CCSER1: variants seen among roughly 807,000 people sequenced by gnomAD.
CCSER1 encodes serine-rich coiled-coil domain-containing protein 1.
In CCSER1, 41 loss-of-function variants were observed where a neutral mutation model predicts 82.0. That is an observed-to-expected ratio of 0.50 (90% CI 0.39 to 0.65). The LOEUF (loss-of-function observed/expected upper bound fraction) is 0.65. Ranked by LOEUF, CCSER1 falls within the 30% of genes least tolerant of loss-of-function variation. The pLI is 0.00. For missense variants in CCSER1, 1,119 were observed against 1,064.2 expected (o/e 1.05, Z -0.72); for synonymous variants, 414 against 383.9 (o/e 1.08, Z -0.92).
At chr4:90,162,336 A>AT (rs1729609236) in intron 1 of CCSER1, among the ~76,000 whole-genome samples, 2 of 152,160 alleles carry the variant, frequency 1.3e-5, no homozygotes, top group South Asian at 2.1e-4. Context: ...TTTTATCAAT[A>AT]TTTAATAATT....
intron 10 of CCSER1, among the ~76,000 whole-genome samples, chr4:91,548,068 C>A: frequency 6.6e-6 from 1 of 152,146 alleles, no homozygotes; most frequent in Non-Finnish European, 1.5e-5. Flanking sequence ...AGATTACAGG[C>A]GTGAGCCACT....
intron 9 of CCSER1, among the ~76,000 whole-genome samples, chr4:90,928,587 A>G (rs1447304146): frequency 1.3e-5 from 2 of 152,124 alleles, no homozygotes; most frequent in Non-Finnish European, 2.9e-5. Flanking sequence ...GTGAAAAATA[A>G]AAATAGCACA....
chr4:90,310,124 T>G (rs1488538525), intron 2 of CCSER1, among the ~76,000 whole-genome samples: 1 of 152,104 alleles, frequency 6.6e-6, no homozygotes, highest in African/African-American at 2.4e-5. Flanking sequence ...ACATAAATAA[T>G]TCCTATCTCT....
chr4:91,305,671 G>T (rs1745005309), intron 10 of CCSER1, among the ~76,000 whole-genome samples: 1 of 151,974 alleles, frequency 6.6e-6, no homozygotes, highest in Non-Finnish European at 1.5e-5. Context: ...GTGTGTGTGT[G>T]TGTGTGCATG....
At chr4:91,161,402 A>C (rs1486813930) in intron 10 of CCSER1, among the ~76,000 whole-genome samples, 1 of 152,112 alleles carries the variant, frequency 6.6e-6, no homozygotes, top group Non-Finnish European at 1.5e-5. Context: ...TTTTGGTTCC[A>C]TATGAACTTT....
chr4:91,205,833 CAATA>C (rs1736299391), intron 10 of CCSER1, among the ~76,000 whole-genome samples: 3 of 151,752 alleles, frequency 2.0e-5, no homozygotes, highest in Admixed American at 2.0e-4. Context: ...ATTCAATATT[CAATA>C]AATAACAAAT....
chr4:90,828,077 T>G (rs1165440601), intron 8 of CCSER1, among the ~76,000 whole-genome samples: 1 of 152,134 alleles, frequency 6.6e-6, no homozygotes, highest in African/African-American at 2.4e-5. Context: ...TAATCTTCCC[T>G]GGTTGATGCA....
chr4:90,737,461 T>C (rs1745849137), intron 7 of CCSER1, among the ~76,000 whole-genome samples: 1 of 152,174 alleles, frequency 6.6e-6, no homozygotes, highest in East Asian at 1.9e-4. Context: ...CCTGTAAGGT[T>C]TCCACTGAAA....
At chr4:90,902,071 T>C (rs1218705866) in intron 8 of CCSER1, among the ~76,000 whole-genome samples, 1 of 151,934 alleles carries the variant, frequency 6.6e-6, no homozygotes, top group Non-Finnish European at 1.5e-5. Flanking sequence ...TGATCTAGGC[T>C]ATTGTTAAAG....
At chr4:90,961,573 A>G (rs10005295) in intron 9 of CCSER1, among the ~76,000 whole-genome samples, 145,309 of 152,170 alleles carry the variant, frequency 0.95, 69,441 homozygotes, top group African/African-American at 0.98. Context: ...AGTTTCATTC[A>G]TAAAGTACTG....
intron 5 of CCSER1, among the ~76,000 whole-genome samples, chr4:90,607,622 A>G (rs1263056414): frequency 6.6e-6 from 1 of 152,106 alleles, no homozygotes; most frequent in African/African-American, 2.4e-5. Context: ...CCCTTTCTGT[A>G]ATACCAGTTA....
At chr4:91,193,819 T>C (rs1305913988) in intron 10 of CCSER1, among the ~76,000 whole-genome samples, 1 of 113,528 alleles carries the variant, frequency 8.8e-6, no homozygotes, top group Non-Finnish European at 1.8e-5. Context: ...GTTTGTTTTA[T>C]TGATTTTTTT....
At chr4:90,174,780 C>A (rs566995950) in intron 1 of CCSER1, among the ~76,000 whole-genome samples, 152 of 152,062 alleles carry the variant, frequency 1.0e-3, no homozygotes, top group Middle Eastern at 3.4e-3. Context: ...GTGACTCACA[C>A]AGGGCTAGAA....
intron 5 of CCSER1, among the ~76,000 whole-genome samples, chr4:90,510,435 A>AT (rs33960936): frequency 8.5e-5 from 13 of 152,072 alleles, no homozygotes; most frequent in African/African-American, 2.7e-4. Flanking sequence ...TATAACATTA[A>AT]TTTTTTTTAT....
intron 1 of CCSER1, among the ~76,000 whole-genome samples, chr4:90,213,679 G>A (rs553194023): frequency 3.9e-5 from 6 of 152,278 alleles, no homozygotes; most frequent in Admixed American, 2.0e-4. Context: ...AACCAGGAGA[G>A]TTTGTTGTAC....
At chr4:90,648,786 A>AT (rs1728192448) in intron 6 of CCSER1, among the ~76,000 whole-genome samples, 1 of 152,180 alleles carries the variant, frequency 6.6e-6, no homozygotes, top group Non-Finnish European at 1.5e-5. Flanking sequence ...AATCTGTGGT[A>AT]TTTTGTTATG....
intron 9 of CCSER1, among the ~76,000 whole-genome samples, chr4:90,998,505 G>A (rs991717431): frequency 1.3e-4 from 20 of 152,042 alleles, no homozygotes; most frequent in African/African-American, 4.6e-4. Context: ...ATTACATTTC[G>A]TTTTTAATAT....
intron 1 of CCSER1, among the ~76,000 whole-genome samples, chr4:90,167,148 A>G (rs962109607): frequency 2.0e-5 from 3 of 151,536 alleles, no homozygotes; most frequent in Non-Finnish European, 4.4e-5. Flanking sequence ...AAAGTACTTA[A>G]AAACTCAAAC....
intron 9 of CCSER1, among the ~76,000 whole-genome samples, chr4:91,080,708 G>A (rs1722611235): frequency 6.6e-6 from 1 of 151,994 alleles, no homozygotes; most frequent in Admixed American, 6.6e-5. Context: ...GAATCAAATA[G>A]ATACAATAAA....
Sources: allele counts gnomAD v4.1 joint callset (sites outside exome capture counted in the v4.1 genomes callset), GRCh38; gene constraint gnomAD v4.1.1; transcripts MANE v1.5; gene names NCBI Gene and HGNC (gene_info 2026-07-23, HGNC 2026-07-21).